The following ATM variants were observed in gnomAD, a reference collection of about 807,000 sequenced individuals.
The protein encoded by ATM is serine-protein kinase ATM.
In ATM, 308 loss-of-function variants were observed where a neutral mutation model predicts 387.0. That is an observed-to-expected ratio of 0.80 (90% CI 0.73 to 0.87). The LOEUF is 0.87. Among genes scored for constraint, ATM ranks in the 40% least tolerant of loss-of-function variants. The probability of loss-of-function intolerance (pLI) is 0.00; values close to 1 mark genes in which losing one functional copy is unlikely to be tolerated. For synonymous variants in ATM, 1,156 were observed against 1,187.3 expected (o/e 0.97, Z 0.54); for missense variants, 3,312 against 3,560.9 (o/e 0.93, Z 1.78).
At chr11:108,282,634 T>G in intron 24 of ATM, 76 bp from the exon 25 acceptor site, 1 of 1,404,538 alleles carries the variant, frequency 7.1e-7, no homozygotes, top group Non-Finnish European at 1.0e-6. Flanking sequence ...GGTCCTACTC[T>G]AAATAATATT....
chr11:108,277,539 G>A (rs192183833), intron 22 of ATM, among the ~76,000 whole-genome samples: 152 of 152,306 alleles, frequency 1.0e-3, no homozygotes, highest in Admixed American at 2.7e-3. Flanking sequence ...TGCAAAGACT[G>A]CGGGAAAAGC....
intron 61 of ATM, among the ~76,000 whole-genome samples, chr11:108,364,081 A>G (rs943898791): frequency 6.6e-6 from 1 of 152,184 alleles, no homozygotes; most frequent in Admixed American, 6.5e-5. Context: ...GTCCTGGAGG[A>G]CACTCAAAAC....
At chr11:108,243,928 CTAA>C (rs2079692150) in intron 5 of ATM, 22 bp from the exon 6 acceptor site, 2 of 1,439,234 alleles carry the variant, frequency 1.4e-6, no homozygotes, top group South Asian at 2.6e-5. Context: ...AAAATCATGA[CTAA>C]TAATTTTTTT....
At chr11:108,306,339 C>A (rs2083688336) in intron 37 of ATM, among the ~76,000 whole-genome samples, 1 of 151,976 alleles carries the variant, frequency 6.6e-6, no homozygotes, top group Non-Finnish European at 1.5e-5. Context: ...AATAAAAATT[C>A]TCATAGAGGC....
chr11:108,289,238 T>G, intron 28 of ATM, 135 bp downstream of exon 28: 12 of 955,308 alleles, frequency 1.3e-5, no homozygotes, highest in Non-Finnish European at 1.8e-5. Context: ...AACATTCATT[T>G]ACAAGTTTAA....
chr11:108,280,972 T>A, intron 23 of ATM, 23 bp from the exon 24 acceptor site: 1 of 1,533,012 alleles, frequency 6.5e-7, no homozygotes, highest in Non-Finnish European at 8.8e-7. Context: ...TACATTACAT[T>A]TTTTTTTTAA....
Position 108,316,004 on chromosome 11 carries a change from C to G in ATM, c.6096-7C>G, listed in dbSNP as rs1173338615. 6.2e-7 allele frequency: 1 copy of G among 1,613,784 alleles called. No homozygotes were observed. Among genetic ancestry groups the G allele is most frequent in the Non-Finnish European group, 8.5e-7 (1 of 1,179,734 alleles). ...CCCAAAGCTATTTTCACAATCTTTT[C>G]TTATAGACTACGAACATATGAACAC... On this transcript the variant is annotated splice_region_variant and splice_polypyrimidine_tract_variant and intron_variant, in intron 41 of 62. Coordinates refer to ENST00000675843, the MANE Select transcript of ATM (RefSeq NM_000051.4).
In ATM at chr11:108,326,169, C is replaced by G. The variant is rs56009889; in HGVS notation, c.6919C>G (p.Leu2307Val). Residue 2307 changes from leucine (L) to valine (V), a missense_variant, in exon 47 of 63, where the codon CTT (leucine) becomes GTT (valine). By Grantham distance (32) the Leu-to-Val change is conservative. Around this residue, in one of 4 missense-constraint regions of ATM, gnomAD observed 1,405 missense variants for 1,604.4 expected, o/e 0.88. Coordinates refer to ENST00000675843, the MANE Select transcript of ATM (RefSeq NM_000051.4). ...QVFWAKKEQS[L>V]ALSILKQMIK... ...ATTCTGGGCAAAAAAGGAGCAGAGTCTTGCCCTGAGTATTCTCAAGCAAAT... is the reference window on the plus strand; with the variant it reads ...ATTCTGGGCAAAAAAGGAGCAGAGTGTTGCCCTGAGTATTCTCAAGCAAAT... 1 of 1,614,026 alleles carries G rather than the reference C, an allele frequency of 6.2e-7. No individual in the cohort carries two copies. Among genetic ancestry groups the G allele is most frequent in the Non-Finnish European group, 8.5e-7 (1 of 1,180,026 alleles).
intron 3 of ATM, among the ~76,000 whole-genome samples, chr11:108,228,261 G>GT (rs1197488773): frequency 1.3e-5 from 2 of 152,134 alleles, no homozygotes. Context: ...AATGCTGTGT[G>GT]TTAAATTGTA....
chr11:108,299,177 T>G (rs953543889), intron 33 of ATM, among the ~76,000 whole-genome samples: 2 of 152,168 alleles, frequency 1.3e-5, no homozygotes, highest in Non-Finnish European at 2.9e-5. Context: ...CCTGTCTTCA[T>G]CTGGTTAGGG....
chr11:108,365,397 GGAA>G lies in ATM; in HGVS notation c.9065_9067del (p.Glu3022del). On this transcript the variant is annotated inframe_deletion, in exon 63 of 63. Transcript: ENST00000675843. ...GACTACAAGAGAAACTGAAAGGAGTGGAAGAAGGCACTGTGCTCAGTGTTGGTG... is the reference window on the plus strand; with the variant it reads ...GACTACAAGAGAAACTGAAAGGAGTGGAAGGCACTGTGCTCAGTGTTGGTG... 1 of 1,614,202 alleles carries G rather than the reference GGAA, an allele frequency of 6.2e-7. No homozygotes were observed. Among genetic ancestry groups the G allele is most frequent in the South Asian group, 1.1e-5 (1 of 91,090 alleles).
Position 108,289,006 on chromosome 11 carries a change from A to G in ATM, c.4139A>G (p.His1380Arg), listed in dbSNP as rs2082640431. 1 of 1,613,524 alleles carries G rather than the reference A, an allele frequency of 6.2e-7. No homozygotes were observed. The highest frequency in any genetic ancestry group is 2.2e-5 in the East Asian group (1 of 44,726). Reference protein sequence around the residue: ...GDLDPAPNPPHFPSHVIKATF... With the variant: ...GDLDPAPNPPRFPSHVIKATF... Reference sequence around the variant, plus strand: ...TTGGATCCTGCTCCTAATCCACCTCATTTTCCATCGCATGTGATTAAAGCA... The same window carrying G: ...TTGGATCCTGCTCCTAATCCACCTCGTTTTCCATCGCATGTGATTAAAGCA... The change falls in exon 28 of 63, where the codon CAT becomes CGT. Residue 1380 changes from histidine (H) to arginine (R), a missense_variant. Transcript: ENST00000675843.
chr11:108,225,482 T>A (rs910771002), intron 1 of ATM: 6 of 152,132 alleles, frequency 3.9e-5, no homozygotes, highest in African/African-American at 1.4e-4. Flanking sequence ...TTTTTTTGTC[T>A]TGTTTTGTTT....
chr11:108,279,391 G>A, intron 22 of ATM, 100 bp from the exon 23 acceptor site: 3 of 846,260 alleles, frequency 3.5e-6, no homozygotes, highest in Non-Finnish European at 5.9e-6. Flanking sequence ...ATGTCTCACA[G>A]AGTGATTTAT....
At chr11:108,286,290 G>GCAA (rs2082486070) in intron 26 of ATM, among the ~76,000 whole-genome samples, 1 of 133,996 alleles carries the variant, frequency 7.5e-6, no homozygotes, top group African/African-American at 2.9e-5. Context: ...TCCAGCCTGG[G>GCAA]CAACAGAGCA....
intron 57 of ATM, among the ~76,000 whole-genome samples, chr11:108,345,303 T>G (rs1397739110): frequency 6.6e-6 from 1 of 152,192 alleles, no homozygotes; most frequent in Non-Finnish European, 1.5e-5. Flanking sequence ...CAGGTAGTAT[T>G]TTATGGCAAG....
At chr11:108,236,666 G>C (rs777391524) in intron 5 of ATM, 1 of 152,210 alleles carries the variant, frequency 6.6e-6, no homozygotes, top group Non-Finnish European at 1.5e-5. Context: ...TACTTCTAAG[G>C]TAATGGAAAT....
intron 26 of ATM, chr11:108,287,331 AT>A: frequency 7.8e-6 from 2 of 254,972 alleles, no homozygotes; most frequent in Non-Finnish European, 1.5e-5. Context: ...CTGAAGTCTT[AT>A]TTAAAATGAT....
At position 108,250,797 on chromosome 11, in the gene ATM, C is replaced by A. The variant is rs763361384; in HGVS notation, c.1332C>A (p.Pro444=). 80 of 1,613,840 alleles carry A rather than the reference C, an allele frequency of 5.0e-5. No individual in the cohort carries two copies. Among genetic ancestry groups the A allele is most frequent in the Non-Finnish European group, 6.4e-5 (76 of 1,180,012 alleles). The change falls in exon 10 of 63, where the codon CCC becomes CCA. Residue 444 remains proline (P), a synonymous_variant. Coordinates refer to ENST00000675843, the MANE Select transcript of ATM (RefSeq NM_000051.4). ...TGATGATACTATCTCAGCTTCTACC[C>A]CAACAGCGACATGGGGAACGTACAC... ...PLLMILSQLL[P]QQRHGERTPY...
Sources: gnomAD v4.1 joint callset for allele counts (sites outside exome capture counted in the v4.1 genomes callset) on GRCh38, gnomAD v4.1.1 for gene constraint, gnomAD v4.1.1 regional missense constraint, MANE v1.5 for transcripts, NCBI Gene and HGNC (gene_info 2026-07-23, HGNC 2026-07-21) for gene names.